The following TAF1 variants were observed in gnomAD, a reference collection of about 807,000 sequenced individuals.
The protein encoded by TAF1 is TATA-box binding protein associated factor 1.
In TAF1, 2 loss-of-function variants were observed where a neutral mutation model predicts 138.5. The observed-to-expected ratio is 0.01, with a 90% CI of 0.01 to 0.05. TAF1 has a LOEUF of 0.05. TAF1 is among the 10% of genes least tolerant of loss of function. The pLI, the probability that TAF1 is intolerant of heterozygous loss-of-function variation, is 1.00. For synonymous variants in TAF1, 437 were observed against 503.2 expected, an observed-to-expected ratio of 0.87 and a Z score of 1.76; for missense variants, 709 against 1,478.0, an observed-to-expected ratio of 0.48 and a Z score of 8.53.
intron 23 of TAF1, among the ~76,000 whole-genome samples, chrX:71,398,227 A>G (rs1437391825): frequency 9.1e-6 from 1 of 110,276 alleles, no homozygotes; most frequent in Admixed American, 9.7e-5. Context: ...AATCCCAGCT[A>G]CTCAGGAGGC....
At chrX:71,452,948 G>A (rs926293598) in intron 32 of TAF1, among the ~76,000 whole-genome samples, 3 of 111,995 alleles carry the variant, frequency 2.7e-5, no homozygotes, top group African/African-American at 6.5e-5. Flanking sequence ...GCAATCGCAG[G>A]CACTCGGCAG....
chrX:71,397,113 G>C (rs2034901015), intron 22 of TAF1, 140 bp from the exon 23 acceptor site: 4 of 604,327 alleles, frequency 6.6e-6, no homozygotes. Flanking sequence ...ATATTCTTGG[G>C]GCTGATGATG....
At chrX:71,373,478 A>C (rs2033245183) in intron 3 of TAF1, among the ~76,000 whole-genome samples, 1 of 111,126 alleles carries the variant, frequency 9.0e-6, no homozygotes, top group Non-Finnish European at 1.9e-5. Flanking sequence ...TATACTTACT[A>C]TTTGTAATGA....
At chrX:71,431,965 A>G (rs1602653978) in intron 32 of TAF1, among the ~76,000 whole-genome samples, 2 of 110,483 alleles carry the variant, frequency 1.8e-5, no homozygotes, top group South Asian at 7.7e-4. Context: ...AAGAAGAAAA[A>G]CTAGGAGAGA....
At chrX:71,433,187 G>A (rs1367929288) in intron 32 of TAF1, among the ~76,000 whole-genome samples, 1 of 112,403 alleles carries the variant, frequency 8.9e-6, no homozygotes, top group African/African-American at 3.2e-5. Context: ...GCAGTTTTCA[G>A]TAGATAGCAT....
intron 9 of TAF1, 85 bp from the exon 10 acceptor site, chrX:71,382,451 C>T (rs2033957197): frequency 1.8e-6 from 2 of 1,142,535 alleles, no homozygotes; most frequent in Non-Finnish European, 2.3e-6. Context: ...CATCCGTCAC[C>T]TTAAAGAAGA....
chrX:71,454,714 A>G (rs757323194), intron 33 of TAF1, 27 bp from the exon 34 acceptor site: 1 of 1,161,362 alleles, frequency 8.6e-7, no homozygotes, highest in South Asian at 1.9e-5. Context: ...ATACATGTTG[A>G]ATGAATTTAT....
chrX:71,402,196 C>T (rs1432137335), intron 25 of TAF1, among the ~76,000 whole-genome samples: 1 of 111,988 alleles, frequency 8.9e-6, no homozygotes, highest in East Asian at 2.8e-4. Context: ...CCACCTCTGC[C>T]TCCTGGGTTC....
At chrX:71,477,766 G>A (rs1257073323) in intron 13 of TAF1, among the ~76,000 whole-genome samples, 3 of 111,985 alleles carry the variant, frequency 2.7e-5, no homozygotes, top group Non-Finnish European at 5.6e-5. Flanking sequence ...GGCCGAGGCA[G>A]GTGGATCACT....
At chrX:71,400,892 T>C (rs2035142349) in intron 24 of TAF1, among the ~76,000 whole-genome samples, 1 of 111,878 alleles carries the variant, frequency 8.9e-6, no homozygotes, top group South Asian at 3.7e-4. Context: ...GAAACTGAGG[T>C]CTAGGATACC....
In TAF1 at chrX:71,367,529, G is replaced by C; in HGVS notation, c.151G>C (p.Ala51Pro). ...ECKKHLAGLG[A>P]LGLGSLITEL... ...TAAGAAGCACTTGGCAGGCTTGGGG[G>C]CTTTGGGGCTGGGCAGCCTGATCAC... Residue 51 changes from alanine (A) to proline (P), a missense_variant, in exon 2 of 38, where the codon GCT becomes CCT. This residue lies in a region of TAF1 where 123 missense variants were observed against 161.6 expected (regional missense o/e 0.76). Coordinates refer to ENST00000423759, the MANE Select transcript of TAF1 (RefSeq NM_004606.5). 1.7e-6 allele frequency: 2 copies of C among 1,211,752 alleles called. No homozygotes were observed. The highest frequency in any genetic ancestry group is 2.2e-6 in the Non-Finnish European group (2 of 895,553).
intron 13 of TAF1, among the ~76,000 whole-genome samples, chrX:71,526,903 TAA>T (rs775105697): frequency 2.3e-4 from 20 of 87,760 alleles, no homozygotes; most frequent in Non-Finnish European, 1.4e-4. Context: ...CCCAGTCTCT[TAA>T]AAAAAAAAAA....
chrX:71,457,516 A>G (rs1420166530), intron 34 of TAF1, among the ~76,000 whole-genome samples: 1 of 112,221 alleles, frequency 8.9e-6, no homozygotes, highest in Non-Finnish European at 1.9e-5. Context: ...CTGTCACAGA[A>G]TAGTCCATTT....
At chrX:71,447,680 G>C (rs2037758651) in intron 32 of TAF1, among the ~76,000 whole-genome samples, 1 of 104,176 alleles carries the variant, frequency 9.6e-6, no homozygotes, top group Non-Finnish European at 1.9e-5. Context: ...CTGGGTGACA[G>C]AGCGAGACAC....
chrX:71,407,636 G>A lies in TAF1; in HGVS notation c.4170G>A (p.Leu1390=), dbSNP rs1300408790. Residue 1390 remains leucine, a synonymous_variant, in exon 27 of 38, where the codon TTG becomes TTA. Transcript: ENST00000423759. Reference sequence around the variant, plus strand: ...CTATGGTGACGCTGTCGTCCATCTTGGAGTCTATCATCAATGACATGAGAG... The same window carrying A: ...CTATGGTGACGCTGTCGTCCATCTTAGAGTCTATCATCAATGACATGAGAG... ...TDPMVTLSSI[L]ESIINDMRDL... 1.7e-6 allele frequency: 2 copies of A among 1,211,401 alleles called. No individual in the cohort carries two copies. Among genetic ancestry groups the A allele is most frequent in the Non-Finnish European group, 1.1e-6 (1 of 895,248 alleles).
At chrX:71,400,791 A>T (rs2148438336) in intron 24 of TAF1, among the ~76,000 whole-genome samples, 1 of 112,665 alleles carries the variant, frequency 8.9e-6, no homozygotes, top group South Asian at 3.7e-4. Context: ...AACTGTTCTT[A>T]ATGCATACTG....
chrX:71,457,420 A>G (rs1481174553), intron 34 of TAF1, among the ~76,000 whole-genome samples: 1 of 112,549 alleles, frequency 8.9e-6, no homozygotes, highest in African/African-American at 3.2e-5. Context: ...CACTTTTAAA[A>G]TGAAATTGAT....
intron 30 of TAF1, 49 bp downstream of exon 30, chrX:71,423,288 A>G: frequency 8.3e-7 from 1 of 1,206,257 alleles, no homozygotes; most frequent in Non-Finnish European, 1.1e-6. Flanking sequence ...AGGGGAAAGG[A>G]AAAATGTTTA....
chrX:71,380,913 ACTC>A (rs1345915172), intron 8 of TAF1, among the ~76,000 whole-genome samples: 1 of 110,176 alleles, frequency 9.1e-6, no homozygotes, highest in Non-Finnish European at 1.9e-5. Flanking sequence ...CTGGTCTTGA[ACTC>A]CTGACCTCAA....
Sources: allele counts gnomAD v4.1 joint callset (sites outside exome capture counted in the v4.1 genomes callset), GRCh38; gene constraint gnomAD v4.1.1; regional missense constraint gnomAD v4.1.1; transcripts MANE v1.5; gene names NCBI Gene and HGNC (gene_info 2026-07-23, HGNC 2026-07-21).